The following UNC13C variants were observed in gnomAD, a reference collection of about 807,000 sequenced individuals.
The protein encoded by UNC13C is unc-13 homolog C, also known as protein unc-13 homolog C.
A neutral mutation model predicts 245.4 loss-of-function variants in UNC13C; 174 were observed. The observed-to-expected ratio is 0.71, with a 90% CI of 0.63 to 0.80. UNC13C has a LOEUF of 0.80. Ranked by LOEUF, UNC13C falls within the 30% of genes least tolerant of loss-of-function variation. The pLI, the probability that UNC13C is intolerant of heterozygous loss-of-function variation, is 0.00. For synonymous variants in UNC13C, 992 were observed against 895.1 expected, an observed-to-expected ratio of 1.11 and a Z score of -1.93; for missense variants, 2,829 against 2,602.9, an observed-to-expected ratio of 1.09 and a Z score of -1.89.
the UNC13C span, among the ~76,000 whole-genome samples, chr15:53,938,833 C>G: frequency 6.6e-6 from 1 of 152,132 alleles, no homozygotes; most frequent in Non-Finnish European, 1.5e-5. Context: ...ACCAGCATCT[C>G]TGGTATACAA....
chr15:54,405,630 C>T (rs920853008), intron 18 of UNC13C, among the ~76,000 whole-genome samples: 1 of 152,046 alleles, frequency 6.6e-6, no homozygotes, highest in African/African-American at 2.4e-5. Context: ...TATTTTGTGG[C>T]CCCTTAAAAA....
intron 2 of UNC13C, among the ~76,000 whole-genome samples, chr15:54,071,304 A>G (rs1168235173): frequency 1.3e-5 from 2 of 152,234 alleles, no homozygotes; most frequent in Non-Finnish European, 2.9e-5. Context: ...ATAAATGCAG[A>G]TAGCAGTTCC....
At chr15:54,136,289 C>A (rs895972861) in intron 2 of UNC13C, among the ~76,000 whole-genome samples, 1 of 152,102 alleles carries the variant, frequency 6.6e-6, no homozygotes, top group African/African-American at 2.4e-5. Context: ...AGGCATGTGC[C>A]ACCATGCCCT....
chr15:54,476,952 C>A (rs1220950049), intron 19 of UNC13C, among the ~76,000 whole-genome samples: 1 of 141,300 alleles, frequency 7.1e-6, no homozygotes, highest in Non-Finnish European at 1.5e-5. Flanking sequence ...ATGGAATGTT[C>A]TTCCATTTGT....
intron 2 of UNC13C, among the ~76,000 whole-genome samples, chr15:54,108,087 C>T (rs748371366): frequency 2.0e-5 from 3 of 152,124 alleles, no homozygotes; most frequent in Non-Finnish European, 4.4e-5. Flanking sequence ...GGGTTTTATT[C>T]TGTTTCGCAG....
intron 19 of UNC13C, among the ~76,000 whole-genome samples, chr15:54,468,420 T>C (rs536588556): frequency 6.6e-6 from 1 of 151,818 alleles, no homozygotes; most frequent in Non-Finnish European, 1.5e-5. Flanking sequence ...TCTTCACTTT[T>C]TTGTTTCCTT....
chr15:54,466,208 G>A (rs930773522), intron 19 of UNC13C, among the ~76,000 whole-genome samples: 8 of 151,868 alleles, frequency 5.3e-5, no homozygotes, highest in African/African-American at 1.9e-4. Flanking sequence ...AGAGAGGTTG[G>A]TTAATGGGTA....
intron 30 of UNC13C, among the ~76,000 whole-genome samples, chr15:54,592,687 TG>T (rs555944843): frequency 1.1e-3 from 161 of 152,284 alleles, no homozygotes; most frequent in African/African-American, 3.8e-3. Context: ...TGAGCCCTTA[TG>T]TGTTAGGTGA....
At chr15:54,162,091 A>G (rs11071053) in intron 4 of UNC13C, among the ~76,000 whole-genome samples, 143,138 of 152,242 alleles carry the variant, frequency 0.94, 67,933 homozygotes, top group East Asian at 1. Flanking sequence ...AATTACATAT[A>G]ATAGAGTCAT....
chr15:54,509,736 T>G (rs1894651445), intron 23 of UNC13C, among the ~76,000 whole-genome samples: 1 of 152,208 alleles, frequency 6.6e-6, no homozygotes, highest in Non-Finnish European at 1.5e-5. Context: ...TATGAAGTTG[T>G]CGAAAGTAAA....
intron 2 of UNC13C, among the ~76,000 whole-genome samples, chr15:54,047,973 T>C (rs1897112587): frequency 6.6e-6 from 1 of 152,184 alleles, no homozygotes; most frequent in South Asian, 2.1e-4. Flanking sequence ...TTTTGCTAAT[T>C]ATTGGTTTAG....
chr15:54,133,585 G>C (rs996296509), intron 2 of UNC13C, among the ~76,000 whole-genome samples: 1 of 152,164 alleles, frequency 6.6e-6, no homozygotes, highest in Non-Finnish European at 1.5e-5. Context: ...GCTGCAAAAT[G>C]AACCTGTTGT....
intron 2 of UNC13C, among the ~76,000 whole-genome samples, chr15:54,070,719 G>A (rs768543114): frequency 9.2e-5 from 14 of 152,048 alleles, no homozygotes; most frequent in Admixed American, 2.0e-4. Flanking sequence ...CTGCTGTCCC[G>A]GAAGCTACAG....
intron 19 of UNC13C, among the ~76,000 whole-genome samples, chr15:54,450,525 G>T (rs997626310): frequency 3.3e-5 from 5 of 152,210 alleles, no homozygotes; most frequent in African/African-American, 1.2e-4. Flanking sequence ...TCAGACTGCT[G>T]TGCTAGCAAT....
At chr15:54,200,866 A>G (rs2034500361) in intron 4 of UNC13C, among the ~76,000 whole-genome samples, 1 of 152,080 alleles carries the variant, frequency 6.6e-6, no homozygotes, top group Non-Finnish European at 1.5e-5. Context: ...AAAAATACAA[A>G]AGATAAATGA....
At chr15:53,998,853 C>G (rs1894753087) in intron 1 of UNC13C, among the ~76,000 whole-genome samples, 1 of 151,918 alleles carries the variant, frequency 6.6e-6, no homozygotes, top group African/African-American at 2.4e-5. Context: ...TTTACATGTA[C>G]ATAAGTGATT....
chr15:54,261,410 T>C (rs1202325461), intron 8 of UNC13C, among the ~76,000 whole-genome samples: 6 of 152,224 alleles, frequency 3.9e-5, no homozygotes, highest in Non-Finnish European at 1.5e-5. Context: ...TGGAAAGTAC[T>C]TGTAAATCAG....
At position 54,296,235 on chromosome 15, in the gene UNC13C, C is replaced by T. The variant is rs1376844988; in HGVS notation, c.3989-1576C>T. On this transcript the variant is annotated intron_variant, in intron 11 of 32. Coordinates refer to ENST00000260323, the MANE Select transcript of UNC13C (RefSeq NM_001080534.3). ...TTTATTTTTGAGACGGAGTCTCGCT[C>T]TATCCCCCAGGCTGGAGGGCAGTGT... is the stretch of plus-strand genomic sequence containing the variant. Among the ~76,000 whole-genome samples the T allele has an allele frequency of 2.0e-5, 3 of 152,166 alleles. No individual in the cohort carries two copies. In the East Asian group the frequency reaches 5.8e-4, roughly 30 times the overall value.
intron 30 of UNC13C, among the ~76,000 whole-genome samples, chr15:54,578,803 G>A (rs1008733144): frequency 3.9e-5 from 6 of 152,260 alleles, no homozygotes; most frequent in South Asian, 2.1e-4. Flanking sequence ...TCAGCAGTTC[G>A]AGACCAGCCT....
Sources: allele counts gnomAD v4.1 joint callset (sites outside exome capture counted in the v4.1 genomes callset), GRCh38; gene constraint gnomAD v4.1.1; transcripts MANE v1.5; gene names NCBI Gene and HGNC (gene_info 2026-07-23, HGNC 2026-07-21).